Variants in CPNE4 observed in about 807,000 individuals in gnomAD.
The protein encoded by CPNE4 is copine 4.
A neutral mutation model predicts 67.9 loss-of-function variants in CPNE4; 25 were observed. That is an observed-to-expected ratio of 0.37 (90% CI 0.27 to 0.51). The LOEUF is 0.51. Among genes scored for constraint, CPNE4 ranks in the 20% least tolerant of loss-of-function variants. The pLI, the probability that CPNE4 is intolerant of heterozygous loss-of-function variation, is 0.93. For synonymous variants in CPNE4, 242 were observed against 244.9 expected, an observed-to-expected ratio of 0.99 and a Z score of 0.11; for missense variants, 464 against 690.8, an observed-to-expected ratio of 0.67 and a Z score of 3.68.
intron 7 of CPNE4, among the ~76,000 whole-genome samples, chr3:131,661,023 GATT>G (rs1289183075): frequency 6.6e-6 from 1 of 152,186 alleles, no homozygotes; most frequent in Non-Finnish European, 1.5e-5. Context: ...TGAGTTACTG[GATT>G]ACTTCATGAA....
intron 7 of CPNE4, among the ~76,000 whole-genome samples, chr3:131,637,233 C>G (rs2079413289): frequency 2.6e-5 from 4 of 152,064 alleles, no homozygotes; most frequent in Admixed American, 2.6e-4. Flanking sequence ...GGTTGATTAT[C>G]AAGCTAATCA....
intron 1 of CPNE4, among the ~76,000 whole-genome samples, chr3:131,995,712 A>G (rs1362815777): frequency 6.6e-6 from 1 of 152,194 alleles, no homozygotes; most frequent in Non-Finnish European, 1.5e-5. Context: ...TGGACTACCT[A>G]TTCCTGAGAA....
chr3:131,624,752 G>A (rs548312520), intron 7 of CPNE4, among the ~76,000 whole-genome samples: 21 of 146,374 alleles, frequency 1.4e-4, no homozygotes, highest in Admixed American at 6.0e-4. Context: ...TTTCTTCAGC[G>A]GAATAACGTT....
At chr3:131,925,922 C>T (rs957568525) in intron 1 of CPNE4, among the ~76,000 whole-genome samples, 1 of 152,124 alleles carries the variant, frequency 6.6e-6, no homozygotes, top group African/African-American at 2.4e-5. Flanking sequence ...ACATATTTTC[C>T]ACCTTCCTGG....
intron 1 of CPNE4, among the ~76,000 whole-genome samples, chr3:131,960,120 T>A (rs77496980): frequency 1.6e-4 from 23 of 147,352 alleles, no homozygotes; most frequent in African/African-American, 3.6e-4. Context: ...AGAGAAAGAG[T>A]GGAGAGGGAG....
chr3:131,600,746 G>T (rs534915121), intron 7 of CPNE4, among the ~76,000 whole-genome samples: 1 of 152,092 alleles, frequency 6.6e-6, no homozygotes, highest in African/African-American at 2.4e-5. Context: ...GACTAATAAG[G>T]CTTCCTCTAA....
At chr3:131,649,684 G>A (rs907190189) in intron 7 of CPNE4, among the ~76,000 whole-genome samples, 1 of 152,070 alleles carries the variant, frequency 6.6e-6, no homozygotes, top group Non-Finnish European at 1.5e-5. Flanking sequence ...TTCTTATAGG[G>A]TTTGGAGGAA....
chr3:131,558,750 A>T (rs72997291), intron 11 of CPNE4, among the ~76,000 whole-genome samples: 4,438 of 152,098 alleles, frequency 0.029, 216 homozygotes, highest in African/African-American at 0.097. Flanking sequence ...GCAATATGGC[A>T]TCTCAGGGCA....
intron 4 of CPNE4, among the ~76,000 whole-genome samples, 171 bp from the exon 5 acceptor site, chr3:131,696,787 G>A (rs2081167786): frequency 6.6e-6 from 1 of 152,032 alleles, no homozygotes; most frequent in Non-Finnish European, 1.5e-5. Context: ...GTATTCAAGG[G>A]AACTCCCTGG....
intron 2 of CPNE4, among the ~76,000 whole-genome samples, chr3:131,753,562 A>C (rs1384367355): frequency 6.6e-6 from 1 of 152,160 alleles, no homozygotes; most frequent in Non-Finnish European, 1.5e-5. Flanking sequence ...TGTATAATAA[A>C]ATGTTGAAAA....
chr3:131,943,181 C>A (rs2071450867), intron 1 of CPNE4, among the ~76,000 whole-genome samples: 1 of 152,134 alleles, frequency 6.6e-6, no homozygotes, highest in Non-Finnish European at 1.5e-5. Flanking sequence ...GGAGGAGCAC[C>A]TTGCAATCAA....
At chr3:131,973,343 G>A (rs2072552942) in intron 1 of CPNE4, among the ~76,000 whole-genome samples, 1 of 151,878 alleles carries the variant, frequency 6.6e-6, no homozygotes, top group African/African-American at 2.4e-5. Flanking sequence ...CATCTATGTA[G>A]GGTGCAAAAA....
chr3:131,583,038 G>A (rs1937944697), intron 8 of CPNE4, among the ~76,000 whole-genome samples: 1 of 152,154 alleles, frequency 6.6e-6, no homozygotes, highest in African/African-American at 2.4e-5. Flanking sequence ...GCAGGACTGG[G>A]CAACTACATA....
chr3:131,712,960 G>A (rs1431134216), intron 3 of CPNE4, among the ~76,000 whole-genome samples: 1 of 152,146 alleles, frequency 6.6e-6, no homozygotes, highest in Admixed American at 6.5e-5. Flanking sequence ...GGGAGCTGTG[G>A]GAGAGGTCCT....
At chr3:131,656,045 T>C (rs1015207384) in intron 7 of CPNE4, among the ~76,000 whole-genome samples, 3 of 146,494 alleles carry the variant, frequency 2.0e-5, no homozygotes, top group Middle Eastern at 3.5e-3. Context: ...GTGGCCACAA[T>C]ACTGTTTCTT....
intron 7 of CPNE4, among the ~76,000 whole-genome samples, chr3:131,648,177 G>A (rs2079713274): frequency 1.3e-5 from 2 of 152,176 alleles, no homozygotes; most frequent in East Asian, 3.9e-4. Context: ...TTCAAGGCCA[G>A]CCTGAGAAAC....
At position 131,696,749 on chromosome 3, in the gene CPNE4, C is replaced by T. The variant is rs1488743953; in HGVS notation, c.433-133G>A. On this transcript the variant is annotated intron_variant, in intron 4 of 15. Coordinates refer to ENST00000429747, the MANE Select transcript of CPNE4 (RefSeq NM_130808.3). ...GTTGGGCAAAGAGTTTTTCCACAAC[C>T]CTAGTGACTACAGCACAGCAATTCT... 3.5e-5 allele frequency: 26 copies of T among 742,228 alleles called. No individual in the cohort carries two copies. In the East Asian group the frequency reaches 5.9e-4, roughly 17 times the overall value. The allele number at this position is 742,228 out of a possible 1,614,324, so 46.0% of individuals were successfully genotyped here.
chr3:131,581,384 A>T (rs1405598625), intron 9 of CPNE4, among the ~76,000 whole-genome samples, 195 bp downstream of exon 9: 15 of 152,206 alleles, frequency 9.9e-5, no homozygotes, highest in Admixed American at 9.8e-4. Context: ...GAGGACAGTG[A>T]CACTGCGCTG....
intron 1 of CPNE4, among the ~76,000 whole-genome samples, chr3:132,012,191 GAC>G (rs1298888077): frequency 5.5e-5 from 4 of 72,828 alleles, no homozygotes; most frequent in Admixed American, 4.1e-4. Context: ...TTTTTTTTTA[GAC>G]AGTCTCGCTC....
Sources: gnomAD v4.1 joint callset for allele counts (sites outside exome capture counted in the v4.1 genomes callset) on GRCh38, gnomAD v4.1.1 for gene constraint, MANE v1.5 for transcripts, NCBI Gene and HGNC (gene_info 2026-07-23, HGNC 2026-07-21) for gene names.